PC: variants seen among roughly 807,000 people sequenced by gnomAD.
PC encodes pyruvate carboxylase.
PC carries 46 observed loss-of-function variants against 107.8 expected under a neutral mutation model. The observed-to-expected ratio is 0.43, with a 90% CI of 0.34 to 0.55. The LOEUF (loss-of-function observed/expected upper bound fraction) is 0.55, where lower values mean the gene tolerates loss of function less well. Among genes scored for constraint, PC ranks in the 20% least tolerant of loss-of-function variants. The pLI is 0.04. For missense variants in PC, 1,241 were observed against 1,643.1 expected (o/e 0.76, Z 4.23); for synonymous variants, 662 against 684.7 (o/e 0.97, Z 0.52).
At chr11:66,876,429 G>C (rs1946979607) in intron 3 of PC, among the ~76,000 whole-genome samples, 2 of 152,222 alleles carry the variant, frequency 1.3e-5, no homozygotes, top group East Asian at 1.9e-4. Flanking sequence ...TTTACTGAAA[G>C]TCTGAAATCA....
chr11:66,850,809 C>G lies in PC; in HGVS notation c.2338G>C (p.Val780Leu), dbSNP rs572440768. 6.2e-7 allele frequency: 1 copy of G among 1,611,848 alleles called. No homozygotes were observed. The highest frequency in any genetic ancestry group is 1.3e-5 in the African/African-American group (1 of 74,942). The stretch of plus-strand genomic sequence containing the variant: ...TGGGCACAGGCCAGCATGGCTGCCA[C>G]GCCTGCCCCTGACGTGTCGTGGGTG... ...IHTHDTSGAG[V>L]AAMLACAQAG... Residue 780 changes from valine to leucine, a missense_variant, in exon 18 of 23, where the codon GTG (valine) becomes CTG (leucine). This residue lies in a region of PC where 1,143 missense variants were observed against 1,551.9 expected (regional missense o/e 0.74). Coordinates refer to ENST00000393960, the MANE Select transcript of PC (RefSeq NM_001040716.2).
Position 66,849,992 on chromosome 11 carries a change from A to G in PC, c.2843T>C (p.Leu948Pro). The G allele has an allele frequency of 6.2e-7, 1 of 1,613,736 alleles. No homozygotes were observed. Among genetic ancestry groups the G allele is most frequent in the Non-Finnish European group, 8.5e-7 (1 of 1,180,042 alleles). Residue 948 changes from leucine (L) to proline (P), a missense_variant, in exon 20 of 23, where the codon CTG becomes CCG. Around this residue, in one of 2 missense-constraint regions of PC, gnomAD observed 1,143 missense variants for 1,551.9 expected, o/e 0.74. Coordinates refer to ENST00000393960, the MANE Select transcript of PC (RefSeq NM_001040716.2). ...ATGGGGGACACCGATGTAGCCCTGC[A>G]GGAACTCCACCACGGAGCGGGGAAA... ...LSFPRSVVEF[L>P]QGYIGVPHGG... is the part of the protein sequence containing the mutation.
intron 3 of PC, among the ~76,000 whole-genome samples, chr11:66,950,584 C>T (rs2136153375): frequency 1.3e-5 from 2 of 152,248 alleles, no homozygotes; most frequent in Admixed American, 6.5e-5. Context: ...AGCCTTAGTC[C>T]CTAGGCAAAG....
At chr11:66,956,720 C>A (rs1949569365) in intron 1 of PC, among the ~76,000 whole-genome samples, 1 of 152,242 alleles carries the variant, frequency 6.6e-6, no homozygotes, top group Admixed American at 6.5e-5. Flanking sequence ...TCCACGAAGC[C>A]TTCCCAAGCC....
intron 12 of PC, chr11:66,860,094 G>T (rs1321929947): frequency 6.4e-7 from 1 of 1,553,154 alleles, no homozygotes; most frequent in African/African-American, 1.4e-5. Context: ...CCTGGGAGGA[G>T]CTTGGGCCCG....
Position 66,849,310 on chromosome 11 carries a change from G to A in PC, c.3208C>T (p.Arg1070Trp), listed in dbSNP as rs372116771. ...IKALAVSDLN[R>W]AGQRQVFFEL... ...AAGAAGACCTGCCTCTGGCCGGCCC[G>A]GTTCAGGTCGCTCACGGCCAGGGCT... Residue 1070 changes from arginine to tryptophan, a missense_variant, in exon 22 of 23, where the codon CGG becomes TGG. Physicochemically the swap from Arg to Trp is moderately radical, Grantham distance 101 (BLOSUM62 -3). Transcript: ENST00000393960. 20 of 1,613,578 alleles carry A rather than the reference G, an allele frequency of 1.2e-5. No homozygotes were observed. The highest frequency in any genetic ancestry group is 6.7e-5 in the East Asian group (3 of 44,882).
In PC at chr11:66,872,707, C is replaced by T. The variant is rs183601622; in HGVS notation, c.1-548G>A. The stretch of plus-strand genomic sequence containing the variant: ...CCGAGATCGTGCCACTGTACTCCAG[C>T]CTGGGCGACAGGGCAAGACTCCGTC... On this transcript the variant is annotated intron_variant, in intron 3 of 22. Transcript: ENST00000393960. 2.0e-4 allele frequency among the ~76,000 whole-genome samples: 31 copies of T among 152,060 alleles called. No individual in the cohort carries two copies. In the East Asian group the frequency reaches 4.3e-3, roughly 21 times the overall value.
Position 66,850,473 on chromosome 11 carries a change from A to G in PC, c.2474-9T>C, listed in dbSNP as rs754982480. On this transcript the variant is annotated splice_polypyrimidine_tract_variant and intron_variant, in intron 18 of 22. Coordinates refer to ENST00000393960, the MANE Select transcript of PC (RefSeq NM_001040716.2). ...GCGCTCCATGGGCACCTCTGCAGGG[A>G]GGCCAGAGTCAGAGGAGGCCTTAGA... 12 of 1,613,860 alleles carry G rather than the reference A, an allele frequency of 7.4e-6. No individual in the cohort carries two copies. In the South Asian group the frequency reaches 1.3e-4, roughly 18 times the overall value.
intron 3 of PC, among the ~76,000 whole-genome samples, chr11:66,912,034 G>GAAAGAAAAGAAAAGA (rs55982722): frequency 6.6e-6 from 1 of 151,102 alleles, no homozygotes. Flanking sequence ...CAAGAAAAAA[G>GAAAGAAAAGAAAAGA]AAAGAAAAGA....
intron 3 of PC, chr11:66,934,339 T>A (rs904904577): frequency 1.3e-5 from 2 of 152,804 alleles, no homozygotes; most frequent in African/African-American, 4.8e-5. Context: ...CATTTGTTTA[T>A]GTGTTATTTC....
rs1402254801 is a variant in PC, at chr11:66,866,013, G to C, written c.1185+174C>G. Among the ~76,000 whole-genome samples, 1 of 152,174 alleles carries C rather than the reference G, an allele frequency of 6.6e-6. No individual in the cohort carries two copies. The highest frequency in any genetic ancestry group is 2.4e-5 in the African/African-American group (1 of 41,444). The stretch of plus-strand genomic sequence containing the variant: ...CCAGCAGTCTCTTCCCCTGGGAGGC[G>C]CCGCCCCTCCTCTGGGCACTGCCTG... On this transcript the variant is annotated intron_variant, in intron 11 of 22. Transcript: ENST00000393960. The surrounding 1 kb of genome is among the most constrained non-coding windows in gnomAD (Gnocchi z 5.4).
intron 3 of PC, among the ~76,000 whole-genome samples, chr11:66,915,384 A>G (rs1948440653): frequency 6.6e-6 from 1 of 152,220 alleles, no homozygotes; most frequent in South Asian, 2.1e-4. Flanking sequence ...GATCACAGCT[A>G]TAATTGAACA....
At chr11:66,935,420 T>C (rs550607560) in intron 3 of PC, among the ~76,000 whole-genome samples, 1 of 152,134 alleles carries the variant, frequency 6.6e-6, no homozygotes, top group African/African-American at 2.4e-5. Flanking sequence ...TTGGGCAACA[T>C]GGCAGGGAGA....
intron 12 of PC, among the ~76,000 whole-genome samples, chr11:66,862,523 C>A (rs1395676846): frequency 6.6e-6 from 1 of 152,216 alleles, no homozygotes; most frequent in Non-Finnish European, 1.5e-5. Flanking sequence ...GGCAGAGGGG[C>A]CGGTGCCAGT....
chr11:66,854,264 C>T (rs1048981372), intron 12 of PC, among the ~76,000 whole-genome samples: 1 of 152,260 alleles, frequency 6.6e-6, no homozygotes, highest in Admixed American at 6.5e-5. Context: ...GCGCTCCACA[C>T]CTTTGCACCT....
Position 66,866,403 on chromosome 11 carries a change from G to A in PC, c.1023-54C>T. Reference sequence around the variant, plus strand: ...GGACGGGAGAAAGGGGGAAACATGAGGCGGGGGATAGACGAGGGGCACCGC... The same window carrying A: ...GGACGGGAGAAAGGGGGAAACATGAAGCGGGGGATAGACGAGGGGCACCGC... On this transcript the variant is annotated intron_variant, in intron 10 of 22. Coordinates refer to ENST00000393960, the MANE Select transcript of PC (RefSeq NM_001040716.2). The surrounding 1 kb of genome is among the most constrained non-coding windows in gnomAD (Gnocchi z 5.4). The A allele has an allele frequency of 7.5e-7, 1 of 1,341,762 alleles. No homozygotes were observed. The highest frequency in any genetic ancestry group is 1.1e-6 in the Non-Finnish European group (1 of 951,604). The allele number at this position is 1,341,762 out of a possible 1,614,324, so 83.1% of individuals were successfully genotyped here.
rs1946722674 is a variant in PC at position 66,871,324 on chromosome 11, T to C, written c.478A>G (p.Ile160Val). 6.2e-7 allele frequency: 1 copy of C among 1,613,962 alleles called. No homozygotes were observed. The highest frequency in any genetic ancestry group is 8.5e-7 in the Non-Finnish European group (1 of 1,180,006). Residue 160 changes from isoleucine to valine, a missense_variant, in exon 6 of 23, where the codon ATT becomes GTT. By Grantham distance (29) the Ile-to-Val change is conservative. Coordinates refer to ENST00000393960, the MANE Select transcript of PC (RefSeq NM_001040716.2). The surrounding 1 kb of genome is among the most constrained non-coding windows in gnomAD (Gnocchi z 7.4). The stretch of plus-strand genomic sequence containing the variant: ...TGCCCGTTATATTCACCCGCAGCAA[T>C]GGCGATGGCCCGGGCCTCCACCTTG... ...GDKVEARAIA[I>V]AAGVPVVPGT... is the part of the protein sequence containing the mutation.
At chr11:66,873,521 T>TGTA (rs1946856658) in intron 3 of PC, among the ~76,000 whole-genome samples, 1 of 85,276 alleles carries the variant, frequency 1.2e-5, no homozygotes, top group South Asian at 2.6e-4. Context: ...TATTATATTA[T>TGTA]ATATTATAAT....
rs1357099830 is a variant in PC at position 66,933,236 on chromosome 11, G to A, written c.-1+19194C>T. ...GCAGTAGGCAGCCTACCACAGATGA[G>A]ATGCAACTGTCTCACCCAGAAACCG... On this transcript the variant is annotated intron_variant, in intron 3 of 22. Coordinates refer to ENST00000393960, the MANE Select transcript of PC (RefSeq NM_001040716.2). 2.6e-5 allele frequency among the ~76,000 whole-genome samples: 4 copies of A among 152,186 alleles called. No homozygotes were observed. In the East Asian group the frequency reaches 7.7e-4, roughly 29 times the overall value.
Sources: gnomAD v4.1 joint callset for allele counts (sites outside exome capture counted in the v4.1 genomes callset) on GRCh38, gnomAD v4.1.1 for gene constraint, gnomAD v4.1.1 regional missense constraint, Gnocchi (gnomAD v3.1) non-coding constraint, MANE v1.5 for transcripts, NCBI Gene and HGNC (gene_info 2026-07-23, HGNC 2026-07-21) for gene names.